DNAJC6: variants seen among roughly 807,000 people sequenced by gnomAD.
DNAJC6 encodes auxilin.
A neutral mutation model predicts 110.0 loss-of-function variants in DNAJC6; 34 were observed. The ratio of observed to expected loss-of-function variants is 0.31; its 90% CI spans 0.24 to 0.41. DNAJC6 has a LOEUF of 0.41. Ranked by LOEUF, DNAJC6 falls within the 10% of genes least tolerant of loss-of-function variation. DNAJC6 has a pLI of 1.00. For missense variants in DNAJC6, 1,031 were observed against 1,207.8 expected (o/e 0.85, Z 2.17); for synonymous variants, 406 against 437.2 (o/e 0.93, Z 0.89).
Position 65,385,855 on chromosome 1 carries a change from T to G in DNAJC6, c.944T>G (p.Leu315Arg), listed in dbSNP as rs778817985. 7.4e-6 allele frequency: 12 copies of G among 1,613,076 alleles called. No individual in the cohort carries two copies. The highest frequency in any genetic ancestry group is 1.0e-5 in the Non-Finnish European group (12 of 1,179,216). Residue 315 changes from leucine to arginine, a missense_variant, in exon 7 of 19, where the codon CTC becomes CGC. Physicochemically the swap from Leu to Arg is moderately radical, Grantham distance 102 (BLOSUM62 -2). Transcript: ENST00000371069. The part of the protein sequence containing the change: ...RNGCRPYCDV[L>R]IGETKIYSTC... ...GGATGTCGCCCTTACTGTGATGTACTCATTGGAGAAACCAAAATATATTCG... is the reference window on the plus strand; with the variant it reads ...GGATGTCGCCCTTACTGTGATGTACGCATTGGAGAAACCAAAATATATTCG...
At chr1:65,398,304 T>C (rs1010207360) in intron 13 of DNAJC6, among the ~76,000 whole-genome samples, 1 of 152,164 alleles carries the variant, frequency 6.6e-6, no homozygotes, top group Admixed American at 6.5e-5. Context: ...TATTCTCAAC[T>C]CATGTCACAG....
chr1:65,412,647 C>T (rs940852762), intron 18 of DNAJC6, among the ~76,000 whole-genome samples: 2 of 152,128 alleles, frequency 1.3e-5, no homozygotes, highest in African/African-American at 4.8e-5. Flanking sequence ...TTGGCAGATA[C>T]GTCTGGAGAA....
intron 1 of DNAJC6, among the ~76,000 whole-genome samples, chr1:65,316,194 G>T (rs548782203): frequency 6.6e-6 from 1 of 152,132 alleles, no homozygotes; most frequent in Non-Finnish European, 1.5e-5. Context: ...ACCTGTGAAA[G>T]CTGGCCCAAC....
intron 1 of DNAJC6, among the ~76,000 whole-genome samples, chr1:65,318,557 A>G (rs1486810854): frequency 1.3e-5 from 2 of 152,236 alleles, no homozygotes; most frequent in Non-Finnish European, 2.9e-5. Context: ...TTGCAGGGAC[A>G]TGGATGGAGC....
chr1:65,339,837 A>T (rs1388092060), intron 1 of DNAJC6, among the ~76,000 whole-genome samples: 2 of 152,218 alleles, frequency 1.3e-5, no homozygotes, highest in African/African-American at 4.8e-5. Context: ...TGGGGCAAAA[A>T]TAAAAAACAG....
intron 1 of DNAJC6, among the ~76,000 whole-genome samples, chr1:65,348,172 C>G (rs1336961091): frequency 6.6e-6 from 1 of 152,172 alleles, no homozygotes; most frequent in Non-Finnish European, 1.5e-5. Flanking sequence ...TGCCTTAAAG[C>G]ACTTCAATGA....
chr1:65,336,704 C>T (rs1645340387), intron 1 of DNAJC6, among the ~76,000 whole-genome samples: 1 of 152,120 alleles, frequency 6.6e-6, no homozygotes, highest in African/African-American at 2.4e-5. Context: ...AACTTGTAGT[C>T]CTAGTTACAG....
chr1:65,299,803 A>G (rs926149492), intron 1 of DNAJC6, among the ~76,000 whole-genome samples: 3 of 152,110 alleles, frequency 2.0e-5, no homozygotes, highest in Non-Finnish European at 4.4e-5. Flanking sequence ...CAATCCCAGC[A>G]CTTTGGGAGG....
chr1:65,266,155 C>A (rs1653320978), intron 1 of DNAJC6, among the ~76,000 whole-genome samples: 1 of 152,182 alleles, frequency 6.6e-6, no homozygotes, highest in South Asian at 2.1e-4. Context: ...GCTCTCTGCG[C>A]GCAGCGCCGC....
chr1:65,389,541 T>A lies in DNAJC6; in HGVS notation c.1388-6T>A, dbSNP rs751844844. The A allele has an allele frequency of 6.2e-7, 1 of 1,614,162 alleles. No homozygotes were observed. The highest frequency in any genetic ancestry group is 8.5e-7 in the Non-Finnish European group (1 of 1,180,008). ...ATTGATGCTACATGGTCTTTTTGTC[T>A]TGCAGGACAGGCTCCAATAGATATC... On this transcript the variant is annotated splice_region_variant and splice_polypyrimidine_tract_variant and intron_variant, in intron 10 of 18. Coordinates refer to ENST00000371069, the MANE Select transcript of DNAJC6 (RefSeq NM_001256864.2).
intron 1 of DNAJC6, among the ~76,000 whole-genome samples, chr1:65,270,105 G>A (rs1653456779): frequency 6.6e-6 from 1 of 152,082 alleles, no homozygotes; most frequent in South Asian, 2.1e-4. Context: ...CCAAAGCAAT[G>A]CCACTTGTGT....
In DNAJC6 at chr1:65,373,803, T is replaced by C. The variant is rs529712899; in HGVS notation, c.544-5599T>C. Among the ~76,000 whole-genome samples, 45 of 152,248 alleles carry C rather than the reference T, an allele frequency of 3.0e-4. No individual in the cohort carries two copies. The South Asian group carries it at 8.3e-3, about 28-fold the overall frequency. On this transcript the variant is annotated intron_variant, in intron 4 of 18. Coordinates refer to ENST00000371069, the MANE Select transcript of DNAJC6 (RefSeq NM_001256864.2). The stretch of plus-strand genomic sequence containing the variant: ...TTAGCTTCATATAGTCCCAATTGTG[T>C]ATTTTTGCTTTGGTTGTGTGTGCTT...
intron 11 of DNAJC6, among the ~76,000 whole-genome samples, chr1:65,391,059 A>G (rs1439374857): frequency 1.3e-5 from 2 of 152,210 alleles, no homozygotes; most frequent in Non-Finnish European, 2.9e-5. Context: ...GGAATGCAGA[A>G]CTTTTTGGAT....
chr1:65,294,856 A>G (rs1644914660), intron 1 of DNAJC6, among the ~76,000 whole-genome samples: 7 of 152,226 alleles, frequency 4.6e-5, no homozygotes, highest in Admixed American at 4.6e-4. Context: ...TGTACAATAT[A>G]GAGTACAGCA....
intron 1 of DNAJC6, among the ~76,000 whole-genome samples, chr1:65,342,104 T>C (rs1342079565): frequency 6.6e-6 from 1 of 152,154 alleles, no homozygotes; most frequent in Non-Finnish European, 1.5e-5. Context: ...TTTGACTGTT[T>C]CCTTTTATGT....
At chr1:65,386,331 A>G (rs1645871913) in intron 7 of DNAJC6, among the ~76,000 whole-genome samples, 2 of 152,320 alleles carry the variant, frequency 1.3e-5, no homozygotes, top group Middle Eastern at 3.4e-3. Context: ...GGGTGGTCAT[A>G]GGGGATGTGG....
In DNAJC6 at chr1:65,264,754, CGCACACCGACTT is replaced by C. The variant is rs578222547; in HGVS notation, c.-305_-294del. ...TCCAGCATAAGCAAAATTATAACCC[CGCACACCGACTT>C]GCATGCAATTATCATAGCCCGAGTG... On this transcript the variant is annotated 5_prime_UTR_variant, in exon 1 of 20. Transcript: ENST00000263441. 9.1e-5 allele frequency: 132 copies of C among 1,453,442 alleles called. 2 individuals are homozygous for C. The South Asian group carries it at 1.6e-3, about 18-fold the overall frequency. 90.0% of individuals were successfully genotyped at this position (1,453,442 alleles called of 1,614,324 possible). A position where few individuals can be genotyped will look rare whatever the true frequency, so the allele number is the denominator to read the frequency against.
chr1:65,304,852 C>T (rs1645022664), upstream of DNAJC6, among the ~76,000 whole-genome samples: 1 of 152,174 alleles, frequency 6.6e-6, no homozygotes, highest in Non-Finnish European at 1.5e-5. Flanking sequence ...AACTATGGTC[C>T]TCAGACTGGA....
At chr1:65,289,077 T>C (rs1338161633) in intron 1 of DNAJC6, among the ~76,000 whole-genome samples, 1 of 152,248 alleles carries the variant, frequency 6.6e-6, no homozygotes, top group Admixed American at 6.5e-5. Context: ...TATTGAGCTT[T>C]AATAGATACT....
Sources: allele counts gnomAD v4.1 joint callset (sites outside exome capture counted in the v4.1 genomes callset), GRCh38; gene constraint gnomAD v4.1.1; transcripts MANE v1.5; gene names NCBI Gene and HGNC (gene_info 2026-07-23, HGNC 2026-07-21).